The following NMT2 variants were observed in gnomAD, a reference collection of about 807,000 sequenced individuals.
The protein encoded by NMT2 is N-myristoyltransferase 2, also known as glycylpeptide N-tetradecanoyltransferase 2.
In NMT2, 35 loss-of-function variants were observed where a neutral mutation model predicts 65.4. The ratio of observed to expected loss-of-function variants is 0.54; its 90% CI spans 0.41 to 0.71. The LOEUF (loss-of-function observed/expected upper bound fraction) is 0.71. Among genes scored for constraint, NMT2 ranks in the 30% least tolerant of loss-of-function variants. The pLI is 0.00. For missense variants in NMT2, 489 were observed against 611.3 expected (o/e 0.80, Z 2.11); for synonymous variants, 226 against 231.8 (o/e 0.98, Z 0.23).
Position 15,130,259 on chromosome 10 carries a change from G to C in NMT2, c.773C>G (p.Ser258Trp). 3.7e-6 allele frequency: 6 copies of C among 1,605,478 alleles called. No homozygotes were observed. The highest frequency in any genetic ancestry group is 5.1e-6 in the Non-Finnish European group (6 of 1,175,420). ...GATTAGCACTGGGGCTACCCGTTTC[G>C]ATCTCAACTTCTTATGAACACAAAG... is the stretch of plus-strand genomic sequence containing the variant. ...NFLCVHKKLR[S>W]KRVAPVLIRE... The change falls in exon 7 of 12, where the codon TCG becomes TGG. Residue 258 changes from serine (S) to tryptophan (W), a missense_variant. Transcript: ENST00000378165.
rs532531016 is a variant in NMT2 at position 15,131,093 on chromosome 10, G to C, written c.720-781C>G. Among the ~76,000 whole-genome samples the C allele has an allele frequency of 4.5e-4, 69 of 151,974 alleles. 1 individual carries two copies. The highest frequency in any genetic ancestry group is 8.7e-4 in the Non-Finnish European group (59 of 68,008). On this transcript the variant is annotated intron_variant, in intron 6 of 11. Coordinates refer to ENST00000378165, the MANE Select transcript of NMT2 (RefSeq NM_004808.3). ...GTGAACCACCCACCGCACCTGGCCTGAAAGCCATTCTTTAACACAATATTT... is the reference window on the plus strand; with the variant it reads ...GTGAACCACCCACCGCACCTGGCCTCAAAGCCATTCTTTAACACAATATTT...
At chr10:15,166,797 C>A (rs1050395852) in intron 1 of NMT2, among the ~76,000 whole-genome samples, 4 of 152,176 alleles carry the variant, frequency 2.6e-5, no homozygotes, top group African/African-American at 7.2e-5. Flanking sequence ...GGGTGCTACT[C>A]TGGGAACTTT....
chr10:15,161,391 G>A lies in NMT2; in HGVS notation c.110+7112C>T, dbSNP rs146904245. ...TTTTGAGACAGAGTCTTGCTCTGTC[G>A]CCCAGGCTGGAGTGCAATGGTGCAA... On this transcript the variant is annotated intron_variant, in intron 1 of 11. Coordinates refer to ENST00000378165, the MANE Select transcript of NMT2 (RefSeq NM_004808.3). Among the ~76,000 whole-genome samples, 607 of 152,050 alleles carry A rather than the reference G, an allele frequency of 4.0e-3. 3 individuals are homozygous for A. Among genetic ancestry groups the A allele is most frequent in the African/African-American group, 0.014 (562 of 41,490 alleles).
At chr10:15,114,255 C>T (rs562472027) in intron 9 of NMT2, among the ~76,000 whole-genome samples, 1 of 152,282 alleles carries the variant, frequency 6.6e-6, no homozygotes, top group South Asian at 2.1e-4. Flanking sequence ...CCTGCAGAAC[C>T]TGATTAGGTT....
chr10:15,153,371 G>A (rs1314655728), intron 1 of NMT2, among the ~76,000 whole-genome samples: 2 of 152,240 alleles, frequency 1.3e-5, no homozygotes, highest in Non-Finnish European at 2.9e-5. Flanking sequence ...TGCCATTTGT[G>A]TTGAAGGCCT....
At chr10:15,148,336 C>T (rs896047389) in intron 1 of NMT2, among the ~76,000 whole-genome samples, 2 of 152,098 alleles carry the variant, frequency 1.3e-5, no homozygotes, top group Non-Finnish European at 2.9e-5. Context: ...ATACCAAAAC[C>T]TAGTCTTTAC....
chr10:15,147,095 CAAAAAAAAAAAAAAAAAAA>C lies in NMT2; in HGVS notation c.111-5557_111-5539del, dbSNP rs34668178. On this transcript the variant is annotated intron_variant, in intron 1 of 11. Transcript: ENST00000378165. ...CAACAGCGAAAGATCCTCTCGCTCTCAAAAAAAAAAAAAAAAAAAAAAAAAAAAAAAAAAAAAAAAGTGA... is the reference window on the plus strand; with the variant it reads ...CAACAGCGAAAGATCCTCTCGCTCTCAAAAAAAAAAAAAAAAAAAAAGTGA... Among the ~76,000 whole-genome samples, 244 of 44,504 alleles carry C rather than the reference CAAAAAAAAAAAAAAAAAAA, an allele frequency of 5.5e-3. 1 individual carries two copies. Among genetic ancestry groups the C allele is most frequent in the African/African-American group, 6.0e-3 (111 of 18,418 alleles). The allele number at this position is 44,504 out of a possible 152,430, so 29.2% of individuals were successfully genotyped here.
Position 15,106,736 on chromosome 10 carries a change from A to G in NMT2, c.*2459T>C. The G allele has an allele frequency of 1.3e-6, 1 of 763,766 alleles. No individual in the cohort carries two copies. The highest frequency in any genetic ancestry group is 1.6e-6 in the Non-Finnish European group (1 of 627,354). 47.3% of individuals were successfully genotyped at this position (763,766 alleles called of 1,614,324 possible). A position where few individuals can be genotyped will look rare whatever the true frequency, so the allele number is the denominator to read the frequency against. On this transcript the variant is annotated 3_prime_UTR_variant, in exon 12 of 12. Transcript: ENST00000378165. ...AGAGAGTGAATATCTTAGGCTTTGCAGGCCACACAATCTGTCACAACAACT... is the reference window on the plus strand; with the variant it reads ...AGAGAGTGAATATCTTAGGCTTTGCGGGCCACACAATCTGTCACAACAACT...
At chr10:15,118,029 T>C (rs764898246) in intron 9 of NMT2, among the ~76,000 whole-genome samples, 2 of 152,102 alleles carry the variant, frequency 1.3e-5, no homozygotes, top group Non-Finnish European at 2.9e-5. Flanking sequence ...AAAATGTATA[T>C]GCAAAAGGCA....
intron 1 of NMT2, among the ~76,000 whole-genome samples, chr10:15,163,043 G>T (rs1235427599): frequency 2.6e-5 from 4 of 152,012 alleles, no homozygotes; most frequent in Middle Eastern, 3.4e-3. Context: ...AGCCTCCCAA[G>T]TAGCTGGAAC....
chr10:15,134,905 G>C (rs1057513200), intron 3 of NMT2, among the ~76,000 whole-genome samples: 1 of 152,142 alleles, frequency 6.6e-6, no homozygotes, highest in Admixed American at 6.5e-5. Flanking sequence ...TGGATCACTT[G>C]AGCCCAGGAG....
At chr10:15,120,182 G>T (rs1845879920) in intron 8 of NMT2, among the ~76,000 whole-genome samples, 1 of 152,190 alleles carries the variant, frequency 6.6e-6, no homozygotes, top group Non-Finnish European at 1.5e-5. Flanking sequence ...AGGACAGGGG[G>T]CATGGTGGCT....
chr10:15,164,563 T>A (rs990744209), intron 1 of NMT2, among the ~76,000 whole-genome samples: 5 of 152,152 alleles, frequency 3.3e-5, no homozygotes, highest in African/African-American at 1.2e-4. Flanking sequence ...AAGCCGGACA[T>A]CAAAAGGACA....
At chr10:15,138,741 A>G (rs1008889406) in intron 2 of NMT2, among the ~76,000 whole-genome samples, 1 of 152,226 alleles carries the variant, frequency 6.6e-6, no homozygotes, top group African/African-American at 2.4e-5. Flanking sequence ...TGTAATTTAC[A>G]GTGCTATCTA....
intron 1 of NMT2, chr10:15,155,370 T>C: frequency 2.7e-6 from 2 of 742,964 alleles, no homozygotes; most frequent in Non-Finnish European, 4.6e-6. Context: ...AAAGCCTTTT[T>C]TGTTGTGTTT....
At position 15,109,000 on chromosome 10, in the gene NMT2, A is replaced by T; in HGVS notation, c.*195T>A. On this transcript the variant is annotated 3_prime_UTR_variant, in exon 12 of 12. Transcript: ENST00000378165. ...TCCCTCCCACAAATAGGTCAACAGT[A>T]AAAAAAGGATGAAGTTTAACATTCT... The T allele has an allele frequency of 7.4e-7, 1 of 1,354,252 alleles. No homozygotes were observed. Among genetic ancestry groups the T allele is most frequent in the Non-Finnish European group, 9.5e-7 (1 of 1,057,050 alleles). The allele number at this position is 1,354,252 out of a possible 1,614,324, so 83.9% of individuals were successfully genotyped here.
At chr10:15,129,081 G>C (rs1218968335) in intron 7 of NMT2, among the ~76,000 whole-genome samples, 1 of 152,048 alleles carries the variant, frequency 6.6e-6, no homozygotes, top group Non-Finnish European at 1.5e-5. Flanking sequence ...TTCTACAAAA[G>C]GCCAATCAGA....
chr10:15,155,249 C>G (rs746550274), intron 1 of NMT2: 1 of 1,492,724 alleles, frequency 6.7e-7, no homozygotes, highest in Non-Finnish European at 9.3e-7. Context: ...TGTCTGCAAA[C>G]AGTTCGAAGG....
intron 1 of NMT2, 119 bp from the exon 2 acceptor site, chr10:15,141,676 T>C: frequency 2.3e-6 from 3 of 1,285,070 alleles, no homozygotes; most frequent in South Asian, 3.1e-5. Flanking sequence ...AGAAAATAAC[T>C]GTGTTAGGAT....
Sources: gnomAD v4.1 joint callset for allele counts (sites outside exome capture counted in the v4.1 genomes callset) on GRCh38, gnomAD v4.1.1 for gene constraint, MANE v1.5 for transcripts, NCBI Gene and HGNC (gene_info 2026-07-23, HGNC 2026-07-21) for gene names.